The following CNTNAP5 variants were observed in gnomAD, a reference collection of about 807,000 sequenced individuals.
CNTNAP5 encodes the protein contactin-associated protein-like 5.
Under a neutral mutation model 150.2 loss-of-function variants are expected in CNTNAP5, and 72 were observed. The observed-to-expected ratio is 0.48, with a 90% CI of 0.40 to 0.58. The LOEUF (loss-of-function observed/expected upper bound fraction) is 0.58. Ranked by LOEUF, CNTNAP5 falls within the 20% of genes least tolerant of loss-of-function variation. The pLI, the probability that CNTNAP5 is intolerant of heterozygous loss-of-function variation, is 0.00. For synonymous variants in CNTNAP5, 672 were observed against 619.8 expected (o/e 1.08, Z -1.25); for missense variants, 1,636 against 1,626.2 (o/e 1.01, Z -0.10).
In CNTNAP5 at chr2:124,670,778, G is replaced by A. The variant is rs13386193; in HGVS notation, c.2077+22820G>A. Among the ~76,000 whole-genome samples, 265 of 152,132 alleles carry A rather than the reference G, an allele frequency of 1.7e-3. 1 individual carries two copies. The highest frequency in any genetic ancestry group is 6.0e-3 in the African/African-American group (248 of 41,506). ...GCTCGTTCACCTCTTTCAAAATTCC[G>A]TATAAATAGAACCTTCTTAGCAAGC... On this transcript the variant is annotated intron_variant, in intron 13 of 23. Transcript: ENST00000682447.
At chr2:124,811,731 A>G (rs1306556390) in intron 19 of CNTNAP5, among the ~76,000 whole-genome samples, 1 of 150,388 alleles carries the variant, frequency 6.6e-6, no homozygotes, top group Non-Finnish European at 1.5e-5. Flanking sequence ...ACCTGAAATC[A>G]GGAGTTCGAG....
intron 14 of CNTNAP5, among the ~76,000 whole-genome samples, chr2:124,752,353 C>A (rs1680746218): frequency 6.6e-6 from 1 of 152,030 alleles, no homozygotes; most frequent in Admixed American, 6.6e-5. Context: ...CCATGGCCGT[C>A]TTGTTCTATT....
At chr2:124,677,160 G>A (rs531628088) in intron 13 of CNTNAP5, among the ~76,000 whole-genome samples, 4 of 152,086 alleles carry the variant, frequency 2.6e-5, no homozygotes, top group Admixed American at 6.6e-5. Flanking sequence ...TCTTCCTTCC[G>A]GTGGGTTCAC....
intron 7 of CNTNAP5, among the ~76,000 whole-genome samples, chr2:124,493,820 T>A (rs920102229): frequency 2.0e-5 from 3 of 151,978 alleles, no homozygotes; most frequent in African/African-American, 7.2e-5. Context: ...AGAACAAAGG[T>A]ACTCATATTT....
At chr2:124,169,501 A>G (rs1366313529) in intron 1 of CNTNAP5, among the ~76,000 whole-genome samples, 1 of 152,204 alleles carries the variant, frequency 6.6e-6, no homozygotes, top group Non-Finnish European at 1.5e-5. Context: ...AGAAACCGCA[A>G]AGACTTGACA....
chr2:124,135,923 C>G (rs2104609007), intron 1 of CNTNAP5, among the ~76,000 whole-genome samples: 1 of 152,244 alleles, frequency 6.6e-6, no homozygotes, highest in African/African-American at 2.4e-5. Flanking sequence ...TATTGATGGC[C>G]TGCTTTTTTC....
At chr2:124,785,938 T>A (rs1289092302) in intron 17 of CNTNAP5, among the ~76,000 whole-genome samples, 1 of 151,954 alleles carries the variant, frequency 6.6e-6, no homozygotes, top group African/African-American at 2.4e-5. Flanking sequence ...TCTCCAGGCA[T>A]AGAAAGAAGC....
At chr2:124,612,134 A>C (rs1409631202) in intron 12 of CNTNAP5, among the ~76,000 whole-genome samples, 17 of 152,190 alleles carry the variant, frequency 1.1e-4, no homozygotes, top group Non-Finnish European at 2.4e-4. Flanking sequence ...ATTTTGTAAC[A>C]ATAATTGAAG....
intron 1 of CNTNAP5, among the ~76,000 whole-genome samples, chr2:124,027,986 A>T (rs1490097815): frequency 6.6e-6 from 1 of 152,206 alleles, no homozygotes; most frequent in African/African-American, 2.4e-5. Flanking sequence ...TATTCATTAA[A>T]TATAGGACTT....
At position 124,527,358 on chromosome 2, in the gene CNTNAP5, C is replaced by T; in HGVS notation, c.1551C>T (p.Ile517=). The part of the protein sequence containing the change: ...IKAFQGCMRL[I]FIDNQPKDLI... The stretch of plus-strand genomic sequence containing the variant: ...CTTTCCAAGGCTGCATGAGGCTCAT[C>T]TTTATTGATAACCAGCCCAAGGACC... Residue 517 remains isoleucine (I), a synonymous_variant, in exon 10 of 24, where the codon ATC becomes ATT. Coordinates refer to ENST00000682447, the MANE Select transcript of CNTNAP5 (RefSeq NM_001367498.1). The T allele has an allele frequency of 6.2e-6, 10 of 1,613,668 alleles. No homozygotes were observed. Among genetic ancestry groups the T allele is most frequent in the Non-Finnish European group, 8.5e-6 (10 of 1,179,644 alleles).
chr2:124,763,234 A>C (rs973143602), intron 14 of CNTNAP5, among the ~76,000 whole-genome samples: 26 of 152,240 alleles, frequency 1.7e-4, no homozygotes, highest in Middle Eastern at 3.4e-3. Context: ...CTTGATTAAA[A>C]CCTGTTGGCA....
intron 1 of CNTNAP5, among the ~76,000 whole-genome samples, chr2:124,172,469 T>C (rs1558785796): frequency 6.6e-6 from 1 of 152,210 alleles, no homozygotes; most frequent in South Asian, 2.1e-4. Flanking sequence ...CTAGAATGCA[T>C]TGGCCGAGTC....
At chr2:124,823,905 G>C (rs1267476450) in intron 19 of CNTNAP5, among the ~76,000 whole-genome samples, 1 of 151,196 alleles carries the variant, frequency 6.6e-6, no homozygotes, top group Non-Finnish European at 1.5e-5. Flanking sequence ...ATGAGTGACA[G>C]TTCTGATTTT....
intron 12 of CNTNAP5, among the ~76,000 whole-genome samples, chr2:124,631,377 A>T (rs1677857185): frequency 6.6e-6 from 1 of 152,220 alleles, no homozygotes; most frequent in African/African-American, 2.4e-5. Context: ...AAAAACAGGC[A>T]TATAGACCAA....
At chr2:124,229,740 G>A (rs1004468187) in intron 2 of CNTNAP5, among the ~76,000 whole-genome samples, 2 of 152,086 alleles carry the variant, frequency 1.3e-5, no homozygotes, top group African/African-American at 2.4e-5. Flanking sequence ...GAAGTGCAGG[G>A]GTTGGTGGTA....
chr2:124,459,285 G>T (rs1693193220), intron 6 of CNTNAP5, among the ~76,000 whole-genome samples: 1 of 152,178 alleles, frequency 6.6e-6, no homozygotes, highest in Non-Finnish European at 1.5e-5. Flanking sequence ...ATGTGAGAAG[G>T]TGAAGGCCAG....
At chr2:124,103,799 ATT>A (rs1474736752) in intron 1 of CNTNAP5, among the ~76,000 whole-genome samples, 1 of 148,794 alleles carries the variant, frequency 6.7e-6, no homozygotes, top group East Asian at 1.9e-4. Context: ...ATTAAGTTAT[ATT>A]ATATATAACT....
At chr2:124,713,795 G>A (rs1366846532) in intron 13 of CNTNAP5, among the ~76,000 whole-genome samples, 6 of 151,948 alleles carry the variant, frequency 3.9e-5, no homozygotes, top group South Asian at 2.1e-4. Flanking sequence ...TGTGCTAATC[G>A]CCCAATGCCT....
intron 3 of CNTNAP5, among the ~76,000 whole-genome samples, chr2:124,292,965 G>A (rs902016560): frequency 6.6e-6 from 1 of 151,926 alleles, no homozygotes; most frequent in Non-Finnish European, 1.5e-5. Context: ...TCAGAAAAAT[G>A]CAATAATGAG....
Sources: gnomAD v4.1 joint callset for allele counts (sites outside exome capture counted in the v4.1 genomes callset) on GRCh38, gnomAD v4.1.1 for gene constraint, MANE v1.5 for transcripts, NCBI Gene and HGNC (gene_info 2026-07-23, HGNC 2026-07-21) for gene names.